Variants in TYW1B observed in about 807,000 individuals in gnomAD.
The protein encoded by TYW1B is S-adenosyl-L-methionine-dependent tRNA 4-demethylwyosine synthase TYW1B.
A neutral mutation model predicts 86.9 loss-of-function variants in TYW1B; 73 were observed. The observed-to-expected ratio is 0.84, with a 90% CI of 0.70 to 1.02. The LOEUF (loss-of-function observed/expected upper bound fraction) is 1.02. Among genes scored for constraint, TYW1B ranks in the 50% least tolerant of loss-of-function variants. The pLI is 0.00. For missense variants in TYW1B, 637 were observed against 827.4 expected (o/e 0.77, Z 2.82); for synonymous variants, 248 against 292.8 (o/e 0.85, Z 1.56).
At chr7:72,817,799 AC>A (rs1788752468) in intron 2 of TYW1B, among the ~76,000 whole-genome samples, 1 of 151,932 alleles carries the variant, frequency 6.6e-6, no homozygotes, top group African/African-American at 2.4e-5. Flanking sequence ...ATTTGGTAAC[AC>A]CCCCAGGTAC....
chr7:72,754,373 C>A (rs1554465608), intron 7 of TYW1B, among the ~76,000 whole-genome samples: 1 of 152,052 alleles, frequency 6.6e-6, no homozygotes, highest in Non-Finnish European at 1.5e-5. Flanking sequence ...GAACTCCTGA[C>A]TTCGGGATCT....
rs1324826855 is a variant in TYW1B, at chr7:72,793,442, A to G, written c.846+8958T>C. Among the ~76,000 whole-genome samples the G allele has an allele frequency of 3.3e-5, 5 of 152,272 alleles. No individual in the cohort carries two copies. The East Asian group carries it at 9.7e-4, about 29-fold the overall frequency. On this transcript the variant is annotated intron_variant, in intron 6 of 13. Coordinates refer to ENST00000620995, the MANE Select transcript of TYW1B (RefSeq NM_001145440.3). ...GAAGAAATATCTGAGAAACAGTTTTACAACATTAAAAATGGCTCCCCTGGC... is the reference window on the plus strand; with the variant it reads ...GAAGAAATATCTGAGAAACAGTTTTGCAACATTAAAAATGGCTCCCCTGGC...
intron 6 of TYW1B, among the ~76,000 whole-genome samples, chr7:72,796,420 G>A (rs1237754289): frequency 1.5e-5 from 2 of 132,606 alleles, no homozygotes; most frequent in African/African-American, 2.8e-5. Context: ...ATTTTTAGTC[G>A]AGACAGGGTT....
chr7:72,811,508 T>C (rs1788618558), intron 3 of TYW1B, among the ~76,000 whole-genome samples: 1 of 152,002 alleles, frequency 6.6e-6, no homozygotes, highest in Admixed American at 6.6e-5. Flanking sequence ...AGAGTTGTAT[T>C]TGGTGTTTGA....
At chr7:72,676,460 C>T (rs1563055688) in intron 11 of TYW1B, among the ~76,000 whole-genome samples, 1 of 152,134 alleles carries the variant, frequency 6.6e-6, no homozygotes, top group Non-Finnish European at 1.5e-5. Context: ...TGAAACACAG[C>T]AGAGTCTCAA....
rs185431614 is a variant in TYW1B, at chr7:72,706,408, C to G, written c.1370+7213G>C. 3.9e-3 allele frequency among the ~76,000 whole-genome samples: 363 copies of G among 92,180 alleles called. 1 individual carries two copies. Among genetic ancestry groups the G allele is most frequent in the Middle Eastern group, 0.026 (2 of 76 alleles). The allele number at this position is 92,180 out of a possible 152,430, so 60.5% of individuals were successfully genotyped here. A position where few individuals can be genotyped will look rare whatever the true frequency, so the allele number is the denominator to read the frequency against. ...CACCAGTGTACTCCAGCCTGGGCAA[C>G]AAGAGCGAAACTCCTCCATCTCCAA... is the stretch of plus-strand genomic sequence containing the variant. On this transcript the variant is annotated intron_variant, in intron 10 of 13. Transcript: ENST00000620995.
intron 11 of TYW1B, among the ~76,000 whole-genome samples, chr7:72,630,845 A>G (rs2129568732): frequency 6.6e-6 from 1 of 152,302 alleles, no homozygotes; most frequent in South Asian, 2.1e-4. Context: ...GCCAAAAGCT[A>G]ACAAAAATAG....
intron 6 of TYW1B, among the ~76,000 whole-genome samples, chr7:72,781,663 G>A (rs1236521803): frequency 2.6e-5 from 4 of 152,144 alleles, no homozygotes; most frequent in East Asian, 3.8e-4. Flanking sequence ...CAATGCCACC[G>A]TTCTTGTCCA....
chr7:72,586,425 AT>A (rs2129567719), intron 13 of TYW1B, among the ~76,000 whole-genome samples: 1 of 152,300 alleles, frequency 6.6e-6, no homozygotes, highest in African/African-American at 2.4e-5. Context: ...ATATGAAATC[AT>A]TTGGTTGGCA....
At chr7:72,825,393 G>C (rs1290062725) in intron 2 of TYW1B, among the ~76,000 whole-genome samples, 1 of 152,068 alleles carries the variant, frequency 6.6e-6, no homozygotes, top group Admixed American at 6.6e-5. Context: ...GATGTGTGAC[G>C]TGAGGCCAGG....
chr7:72,771,708 C>CA (rs1379298366), intron 7 of TYW1B, among the ~76,000 whole-genome samples: 5 of 80,858 alleles, frequency 6.2e-5, no homozygotes, highest in East Asian at 2.4e-4. Flanking sequence ...TAAAATTTAG[C>CA]AAAATTTTTT....
At chr7:72,642,815 C>G (rs1441726655) in intron 11 of TYW1B, among the ~76,000 whole-genome samples, 4 of 152,126 alleles carry the variant, frequency 2.6e-5, no homozygotes, top group Non-Finnish European at 5.9e-5. Flanking sequence ...GCAGGAGAAT[C>G]ATTTGAACCC....
At chr7:72,670,499 T>C (rs1813572639) in intron 11 of TYW1B, among the ~76,000 whole-genome samples, 1 of 152,174 alleles carries the variant, frequency 6.6e-6, no homozygotes, top group African/African-American at 2.4e-5. Context: ...CCTCATGTGT[T>C]ATCATTTAAT....
intron 13 of TYW1B, among the ~76,000 whole-genome samples, chr7:72,578,772 C>T (rs1811081985): frequency 6.6e-6 from 1 of 152,162 alleles, no homozygotes; most frequent in Non-Finnish European, 1.5e-5. Context: ...ATGTACAAGG[C>T]ACTTGGGGAG....
intron 7 of TYW1B, among the ~76,000 whole-genome samples, chr7:72,751,366 C>T (rs1213085719): frequency 6.6e-6 from 1 of 152,150 alleles, no homozygotes; most frequent in African/African-American, 2.4e-5. Context: ...TTGTTCTGTC[C>T]TGTTCACCAA....
At chr7:72,621,724 T>A (rs1812222466) in intron 12 of TYW1B, among the ~76,000 whole-genome samples, 1 of 152,206 alleles carries the variant, frequency 6.6e-6, no homozygotes, top group African/African-American at 2.4e-5. Flanking sequence ...TGCTAAATGA[T>A]CAAAAAATCA....
At chr7:72,719,603 C>CCTTG (rs1786855978) in intron 9 of TYW1B, among the ~76,000 whole-genome samples, 4 of 140,470 alleles carry the variant, frequency 2.8e-5, no homozygotes, top group Admixed American at 2.3e-4. Flanking sequence ...TGCACTCCAG[C>CCTTG]CTTGGCAGCA....
At chr7:72,765,440 C>T (rs1787753705) in intron 7 of TYW1B, among the ~76,000 whole-genome samples, 1 of 152,262 alleles carries the variant, frequency 6.6e-6, no homozygotes, top group African/African-American at 2.4e-5. Flanking sequence ...AGTTCTCCAG[C>T]TGGCTTAAAA....
chr7:72,607,517 A>C (rs1554435109), intron 13 of TYW1B, among the ~76,000 whole-genome samples: 1 of 151,778 alleles, frequency 6.6e-6, no homozygotes, highest in Non-Finnish European at 1.5e-5. Flanking sequence ...AGGAAGGAGA[A>C]ATAGTTAAAT....
Sources: gnomAD v4.1 joint callset for allele counts (sites outside exome capture counted in the v4.1 genomes callset) on GRCh38, gnomAD v4.1.1 for gene constraint, MANE v1.5 for transcripts, NCBI Gene and HGNC (gene_info 2026-07-23, HGNC 2026-07-21) for gene names.